The following ZMAT4 variants were observed in gnomAD, a reference collection of about 807,000 sequenced individuals.
ZMAT4 encodes the protein zinc finger matrin-type 4, also known as zinc finger matrin-type protein 4.
ZMAT4 carries 17 observed loss-of-function variants against 28.7 expected under a neutral mutation model. The observed-to-expected ratio is 0.59, with a 90% CI of 0.41 to 0.89. ZMAT4 has a LOEUF of 0.89. Among genes scored for constraint, ZMAT4 ranks in the 40% least tolerant of loss-of-function variants. The pLI is 0.00. For synonymous variants in ZMAT4, 117 were observed against 109.2 expected, an observed-to-expected ratio of 1.07 and a Z score of -0.44; for missense variants, 240 against 283.8, an observed-to-expected ratio of 0.85 and a Z score of 1.11.
intron 4 of ZMAT4, among the ~76,000 whole-genome samples, chr8:40,696,318 T>A (rs1466718869): frequency 1.3e-5 from 2 of 152,204 alleles, no homozygotes; most frequent in East Asian, 3.8e-4. Context: ...CAAGCATTGT[T>A]TTAGGCTCTC....
chr8:40,736,667 A>C (rs1811774679), intron 3 of ZMAT4, among the ~76,000 whole-genome samples: 1 of 152,212 alleles, frequency 6.6e-6, no homozygotes, highest in African/African-American at 2.4e-5. Context: ...GTCCACAAGA[A>C]TAAGGAGTGA....
At chr8:40,770,750 G>A (rs1323688931) in intron 2 of ZMAT4, among the ~76,000 whole-genome samples, 2 of 151,966 alleles carry the variant, frequency 1.3e-5, no homozygotes, top group African/African-American at 2.4e-5. Context: ...GTTTCACCAT[G>A]TTGGCCAGGC....
At position 40,863,284 on chromosome 8, in the gene ZMAT4, A is replaced by G. The variant is rs182875109; in HGVS notation, c.-5+34399T>C. The stretch of plus-strand genomic sequence containing the variant: ...AATGTGGAAAATGCTCAGAAAGGAG[A>G]AAAAAAAAACTGGTAAAAGCATGTA... On this transcript the variant is annotated intron_variant, in intron 1 of 6. Coordinates refer to ENST00000297737, the MANE Select transcript of ZMAT4 (RefSeq NM_024645.3). Among the ~76,000 whole-genome samples the G allele has an allele frequency of 2.5e-3, 353 of 141,362 alleles. 5 individuals are homozygous for G. Among genetic ancestry groups the G allele is most frequent in the Admixed American group, 0.023 (332 of 14,472 alleles). The allele number at this position is 141,362 out of a possible 152,430, so 92.7% of individuals were successfully genotyped here. A position where few individuals can be genotyped will look rare whatever the true frequency, so the allele number is the denominator to read the frequency against.
intron 4 of ZMAT4, among the ~76,000 whole-genome samples, chr8:40,678,802 C>T (rs1809019069): frequency 6.6e-6 from 1 of 152,156 alleles, no homozygotes. Context: ...TTTTCAGATT[C>T]ATTTATTACC....
intron 3 of ZMAT4, among the ~76,000 whole-genome samples, chr8:40,726,054 C>T (rs2150522048): frequency 6.6e-6 from 1 of 152,290 alleles, no homozygotes; most frequent in Non-Finnish European, 1.5e-5. Context: ...TTCCATTACC[C>T]CTTGTTGTTT....
chr8:40,818,867 A>T (rs553856587), intron 2 of ZMAT4, among the ~76,000 whole-genome samples: 2 of 152,342 alleles, frequency 1.3e-5, no homozygotes, highest in Admixed American at 1.3e-4. Flanking sequence ...AAGCAAAGGT[A>T]ACAAGAAGAA....
chr8:40,637,405 A>T (rs1806835938), intron 5 of ZMAT4, among the ~76,000 whole-genome samples: 1 of 152,184 alleles, frequency 6.6e-6, no homozygotes, highest in Non-Finnish European at 1.5e-5. Context: ...CAAATGTGGG[A>T]TTTCTAAAGT....
intron 5 of ZMAT4, among the ~76,000 whole-genome samples, chr8:40,622,845 C>T (rs960247215): frequency 2.0e-5 from 3 of 152,136 alleles, no homozygotes; most frequent in African/African-American, 7.2e-5. Flanking sequence ...AGGGATCCAC[C>T]CCCATGACCC....
intron 4 of ZMAT4, among the ~76,000 whole-genome samples, chr8:40,682,711 T>C (rs1809229547): frequency 6.6e-6 from 1 of 152,226 alleles, no homozygotes; most frequent in Non-Finnish European, 1.5e-5. Context: ...CTTCTAAGTA[T>C]AATCAGCCTA....
chr8:40,877,130 G>A (rs756760735), intron 1 of ZMAT4, among the ~76,000 whole-genome samples: 48 of 152,308 alleles, frequency 3.2e-4, no homozygotes, highest in Non-Finnish European at 5.6e-4. Flanking sequence ...GACACGCATA[G>A]AGGGAAGATG....
intron 3 of ZMAT4, among the ~76,000 whole-genome samples, chr8:40,721,157 T>G (rs1416316452): frequency 1.5e-5 from 2 of 135,214 alleles, no homozygotes; most frequent in Admixed American, 7.9e-5. Flanking sequence ...GTCCCTAGAG[T>G]GTGATATTCC....
At chr8:40,779,787 A>G (rs1366609480) in intron 2 of ZMAT4, among the ~76,000 whole-genome samples, 2 of 152,182 alleles carry the variant, frequency 1.3e-5, no homozygotes, top group African/African-American at 4.8e-5. Flanking sequence ...CCAGATTGGC[A>G]GGAAAAGAAA....
intron 2 of ZMAT4, among the ~76,000 whole-genome samples, chr8:40,804,359 T>C (rs1814986062): frequency 1.3e-5 from 2 of 152,188 alleles, no homozygotes; most frequent in African/African-American, 2.4e-5. Flanking sequence ...GAAATCTTTA[T>C]ACCTTTCAGT....
chr8:40,801,351 A>AATATAT (rs1554559737), intron 2 of ZMAT4, among the ~76,000 whole-genome samples: 47 of 97,254 alleles, frequency 4.8e-4, no homozygotes, highest in Non-Finnish European at 7.6e-4. Context: ...TAAAAAAAAA[A>AATATAT]ATATATATAT....
At chr8:40,844,022 T>G (rs924228035) in intron 1 of ZMAT4, among the ~76,000 whole-genome samples, 12 of 152,148 alleles carry the variant, frequency 7.9e-5, no homozygotes, top group African/African-American at 2.9e-4. Context: ...TCAGCAAAAG[T>G]CCAACTGATA....
intron 4 of ZMAT4, among the ~76,000 whole-genome samples, chr8:40,678,380 C>T (rs1438901327): frequency 1.3e-5 from 2 of 152,152 alleles, no homozygotes; most frequent in Non-Finnish European, 2.9e-5. Context: ...AATTCTGATT[C>T]CTTTCCCCAT....
At chr8:40,607,722 T>A (rs1363150932) in intron 5 of ZMAT4, among the ~76,000 whole-genome samples, 1 of 152,142 alleles carries the variant, frequency 6.6e-6, no homozygotes, top group Non-Finnish European at 1.5e-5. Context: ...CACAGAGTGC[T>A]CCCTTGATGT....
At chr8:40,816,846 T>G (rs1271377317) in intron 2 of ZMAT4, among the ~76,000 whole-genome samples, 1 of 152,190 alleles carries the variant, frequency 6.6e-6, no homozygotes, top group Non-Finnish European at 1.5e-5. Context: ...AGAAGTCATA[T>G]GAAAGAGACA....
At chr8:40,575,453 A>G (rs1005340465) in intron 6 of ZMAT4, among the ~76,000 whole-genome samples, 3 of 152,012 alleles carry the variant, frequency 2.0e-5, no homozygotes, top group African/African-American at 7.3e-5. Flanking sequence ...ATGTCCCCAG[A>G]CTGAGAACCA....
Sources: gnomAD v4.1 joint callset for allele counts (sites outside exome capture counted in the v4.1 genomes callset) on GRCh38, gnomAD v4.1.1 for gene constraint, MANE v1.5 for transcripts, NCBI Gene and HGNC (gene_info 2026-07-23, HGNC 2026-07-21) for gene names.